The following KATNAL2 variants were observed in gnomAD, a reference collection of about 807,000 sequenced individuals.
The protein encoded by KATNAL2 is katanin p60 ATPase-containing subunit A-like 2.
In KATNAL2, 52 loss-of-function variants were observed where a neutral mutation model predicts 76.3. That is an observed-to-expected ratio of 0.68 (90% CI 0.55 to 0.86). The LOEUF is 0.86. Ranked by LOEUF, KATNAL2 falls within the 40% of genes least tolerant of loss-of-function variation. KATNAL2 has a pLI of 0.00. For synonymous variants in KATNAL2, 243 were observed against 244.2 expected (o/e 1.00, Z 0.05); for missense variants, 660 against 668.9 (o/e 0.99, Z 0.15).
chr18:46,961,837 T>G (rs1188915113), intron 3 of KATNAL2, among the ~76,000 whole-genome samples: 2 of 152,336 alleles, frequency 1.3e-5, no homozygotes, highest in South Asian at 2.1e-4. Flanking sequence ...GTCAAAACAC[T>G]GCCAGTTTTG....
chr18:47,071,953 CTT>C lies in KATNAL2; in HGVS notation c.1008+2390_1008+2391del, dbSNP rs574265545. Among the ~76,000 whole-genome samples the C allele has an allele frequency of 1.0e-3, 45 of 43,942 alleles. 3 individuals carry two copies. Among genetic ancestry groups the C allele is most frequent in the African/African-American group, 2.3e-3 (19 of 8,338 alleles). 28.8% of individuals were successfully genotyped at this position (43,942 alleles called of 152,430 possible). A position where few individuals can be genotyped will look rare whatever the true frequency, so the allele number is the denominator to read the frequency against. The stretch of plus-strand genomic sequence containing the variant: ...GAAACAATTCCTCTCCCAATTTCTT[CTT>C]TTTTTTTTTTTTTTTTTTTTTTTTT... On this transcript the variant is annotated intron_variant, in intron 13 of 17. Coordinates refer to ENST00000683218, the MANE Select transcript of KATNAL2 (RefSeq NM_001387690.1).
chr18:47,087,572 G>A (rs1391164039), intron 15 of KATNAL2, among the ~76,000 whole-genome samples: 1 of 152,070 alleles, frequency 6.6e-6, no homozygotes, highest in Non-Finnish European at 1.5e-5. Context: ...GGAGGGAGAG[G>A]AGCAGAGAAA....
chr18:47,074,013 T>C (rs1442679597), intron 13 of KATNAL2, among the ~76,000 whole-genome samples: 2 of 152,192 alleles, frequency 1.3e-5, no homozygotes, highest in Non-Finnish European at 2.9e-5. Flanking sequence ...TAATATTTCA[T>C]TCCTCATTGG....
intron 3 of KATNAL2, among the ~76,000 whole-genome samples, chr18:47,032,317 G>T (rs554859690): frequency 1.6e-4 from 25 of 152,276 alleles, no homozygotes; most frequent in African/African-American, 5.8e-4. Context: ...AATGATGAAG[G>T]GTCACTGCAA....
intron 3 of KATNAL2, among the ~76,000 whole-genome samples, chr18:47,046,132 G>C (rs1270624082): frequency 1.3e-5 from 2 of 152,094 alleles, no homozygotes; most frequent in Non-Finnish European, 2.9e-5. Context: ...TCCTTAACCT[G>C]GTCCCAATAG....
intron 13 of KATNAL2, 140 bp from the exon 14 acceptor site, chr18:47,075,137 A>G (rs1288291739): frequency 5.5e-6 from 3 of 545,018 alleles, no homozygotes; most frequent in Non-Finnish European, 9.2e-6. Context: ...AAATGATTGT[A>G]ATGATTATAA....
intron 11 of KATNAL2, among the ~76,000 whole-genome samples, chr18:47,068,001 T>C (rs2061867243): frequency 6.6e-6 from 1 of 152,218 alleles, no homozygotes; most frequent in Admixed American, 6.5e-5. Flanking sequence ...CCAGTCCTGC[T>C]CACATGGTGG....
intron 3 of KATNAL2, chr18:47,033,993 C>G: frequency 6.2e-7 from 1 of 1,613,808 alleles, no homozygotes; most frequent in Non-Finnish European, 8.5e-7. Flanking sequence ...TAGCCGAATC[C>G]CAGGACTCAC....
At chr18:46,949,937 A>C (rs1415043286) in intron 3 of KATNAL2, among the ~76,000 whole-genome samples, 3 of 152,078 alleles carry the variant, frequency 2.0e-5, no homozygotes, top group African/African-American at 7.2e-5. Flanking sequence ...TTTTAATGGG[A>C]TCCTTTTAAT....
chr18:46,961,626 A>C (rs1041270366), intron 3 of KATNAL2, among the ~76,000 whole-genome samples: 3 of 152,218 alleles, frequency 2.0e-5, no homozygotes, highest in Non-Finnish European at 4.4e-5. Context: ...ACCTCTGCCA[A>C]ACCTATACAG....
intron 1 of KATNAL2, among the ~76,000 whole-genome samples, chr18:46,918,581 A>C (rs902432400): frequency 6.6e-6 from 1 of 151,960 alleles, no homozygotes; most frequent in African/African-American, 2.4e-5. Context: ...CCGCCTCCCG[A>C]GTAGCTGCGA....
intron 3 of KATNAL2, among the ~76,000 whole-genome samples, chr18:46,949,627 A>G (rs1451254674): frequency 6.6e-6 from 1 of 152,132 alleles, no homozygotes; most frequent in Non-Finnish European, 1.5e-5. Flanking sequence ...CCCCAGTGAA[A>G]CCACCATTCA....
At chr18:46,929,063 C>G (rs531186532) in intron 1 of KATNAL2, among the ~76,000 whole-genome samples, 3 of 151,870 alleles carry the variant, frequency 2.0e-5, no homozygotes, top group Admixed American at 6.6e-5. Context: ...CCCAAAGTGC[C>G]GGGATTACAG....
chr18:46,946,681 T>G lies in KATNAL2; in HGVS notation c.-20+135T>G, dbSNP rs1008590487. 10 of 1,061,740 alleles carry G rather than the reference T, an allele frequency of 9.4e-6. No homozygotes were observed. In the African/African-American group the frequency reaches 1.6e-4, roughly 17 times the overall value. 65.8% of individuals were successfully genotyped at this position (1,061,740 alleles called of 1,614,324 possible). A position where few individuals can be genotyped will look rare whatever the true frequency, so the allele number is the denominator to read the frequency against. ...GCCAGTGTCATGCAAACACTCTGGA[T>G]TAAACATGCATGGTCTAACATTGAT... On this transcript the variant is annotated intron_variant, in intron 2 of 17. Transcript: ENST00000683218.
At chr18:46,960,428 A>AG (rs11415183) in intron 3 of KATNAL2, among the ~76,000 whole-genome samples, 31 of 34,588 alleles carry the variant, frequency 9.0e-4, no homozygotes, top group Non-Finnish European at 1.5e-3. Flanking sequence ...GCGAAACTTC[A>AG]AAAAAAAAAA....
At chr18:46,958,810 A>G (rs1293158226) in intron 3 of KATNAL2, among the ~76,000 whole-genome samples, 1 of 152,240 alleles carries the variant, frequency 6.6e-6, no homozygotes, top group Non-Finnish European at 1.5e-5. Flanking sequence ...ATTAGAGTCA[A>G]TGCACGATAA....
At chr18:47,071,342 C>A (rs2061991541) in intron 13 of KATNAL2, among the ~76,000 whole-genome samples, 1 of 152,100 alleles carries the variant, frequency 6.6e-6, no homozygotes, top group African/African-American at 2.4e-5. Context: ...TACTATGTTC[C>A]CTTTTGTACC....
At chr18:47,043,175 A>C (rs1203772679) in intron 3 of KATNAL2, among the ~76,000 whole-genome samples, 5 of 145,862 alleles carry the variant, frequency 3.4e-5, no homozygotes, top group Non-Finnish European at 7.5e-5. Flanking sequence ...TGCAGTGAGC[A>C]GAGATTGCGC....
intron 4 of KATNAL2, 69 bp from the exon 5 acceptor site, chr18:47,052,811 G>T: frequency 2.5e-6 from 3 of 1,221,222 alleles, no homozygotes; most frequent in Non-Finnish European, 3.4e-6. Flanking sequence ...CTTTAGACTT[G>T]TAATGCCTGT....
Sources: allele counts gnomAD v4.1 joint callset (sites outside exome capture counted in the v4.1 genomes callset), GRCh38; gene constraint gnomAD v4.1.1; transcripts MANE v1.5; gene names NCBI Gene and HGNC (gene_info 2026-07-23, HGNC 2026-07-21).